Variants in PRODH2 observed in about 807,000 individuals in gnomAD.
PRODH2 encodes the protein hydroxyproline dehydrogenase.
A neutral mutation model predicts 51.9 loss-of-function variants in PRODH2; 49 were observed. The ratio of observed to expected loss-of-function variants is 0.94; its 90% confidence interval spans 0.75 to 1.20. The LOEUF (loss-of-function observed/expected upper bound fraction) is 1.20, where lower values mean the gene tolerates loss of function less well. Among genes scored for constraint, PRODH2 ranks in the 50% most tolerant of loss-of-function variants. The pLI, the probability that PRODH2 is intolerant of heterozygous loss-of-function variation, is 0.00. For synonymous variants in PRODH2, 249 were observed against 260.7 expected (o/e 0.96, Z 0.43); for missense variants, 597 against 610.9 (o/e 0.98, Z 0.24).
At chr19:35,804,374 C>G (rs550944020) in intron 7 of PRODH2, among the ~76,000 whole-genome samples, 2 of 152,206 alleles carry the variant, frequency 1.3e-5, no homozygotes, top group African/African-American at 4.8e-5. Flanking sequence ...TATAAACAGC[C>G]TCTTCACCAC....
chr19:35,807,122 C>T lies in PRODH2; in HGVS notation c.598-1G>A, dbSNP rs549879712. On this transcript the variant is annotated splice_acceptor_variant, in intron 4 of 9. Coordinates refer to ENST00000653904, the MANE Select transcript of PRODH2 (RefSeq NM_021232.2). LOFTEE classifies it high-confidence loss of function. ...CATTGAGGCAGGAGACCTGGAGGTT[C>T]TAGGGGGCAGCAGGGGAAGTGGGGA... is the stretch of plus-strand genomic sequence containing the variant. 2.1e-5 allele frequency: 33 copies of T among 1,550,420 alleles called. 1 individual carries two copies. In the East Asian group the frequency reaches 6.3e-4, roughly 30 times the overall value.
chr19:35,809,908 G>A (rs1229444540), intron 4 of PRODH2, among the ~76,000 whole-genome samples: 2 of 122,096 alleles, frequency 1.6e-5, no homozygotes, highest in Admixed American at 1.1e-4. Context: ...GCAGTGAGCC[G>A]AGATCGCACC....
rs770917781 is a variant in PRODH2 at position 35,800,152 on chromosome 19, G to A, written c.1269C>T (p.Ile423=). The A allele has an allele frequency of 4.4e-6, 7 of 1,604,884 alleles. No individual in the cohort carries two copies. The highest frequency in any genetic ancestry group is 6.0e-6 in the Non-Finnish European group (7 of 1,175,516). Residue 423 remains isoleucine, a synonymous_variant, in exon 10 of 10, where the codon ATC becomes ATT. Transcript: ENST00000653904. Reference sequence around the variant, plus strand: ...CGCTCCGGTTCTCCTGGGCCCTCCGGATCAGGTAGGGGATTACCTCCTCCA... The same window carrying A: ...CGCTCCGGTTCTCCTGGGCCCTCCGAATCAGGTAGGGGATTACCTCCTCCA... ...GSLEEVIPYL[I]RRAQENRSVL...
At chr19:35,807,522 C>T (rs763997017) in intron 4 of PRODH2, among the ~76,000 whole-genome samples, 15 of 151,868 alleles carry the variant, frequency 9.9e-5, no homozygotes, top group African/African-American at 2.7e-4. Context: ...AGGCTGGTCT[C>T]GAACTCCTGA....
intron 4 of PRODH2, among the ~76,000 whole-genome samples, chr19:35,810,389 CAG>C (rs1972590220): frequency 6.6e-6 from 1 of 151,950 alleles, no homozygotes; most frequent in African/African-American, 2.4e-5. Flanking sequence ...GGTGGAGACA[CAG>C]AGGCCACCCA....
rs1250054659 is a variant in PRODH2, at chr19:35,811,997, G to GGCT, written c.559_561dup (p.Ser187dup). 2 of 1,614,058 alleles carry GGCT rather than the reference G, an allele frequency of 1.2e-6. No homozygotes were observed. Among genetic ancestry groups the GGCT allele is most frequent in the Non-Finnish European group, 1.7e-6 (2 of 1,180,032 alleles). On this transcript the variant is annotated inframe_insertion, in exon 4 of 10. Coordinates refer to ENST00000653904, the MANE Select transcript of PRODH2 (RefSeq NM_021232.2). ...TCCATAGCTTCAGCCAGCCTCTCGG[G>GGCT]GCTCAGCTCCAAGGAGGCTCCTGGC...
At chr19:35,802,524 A>C in intron 8 of PRODH2, 1 of 570,078 alleles carries the variant, frequency 1.8e-6, no homozygotes, top group East Asian at 2.9e-5. Flanking sequence ...TCTGGGACCT[A>C]TAAGGACTTA....
rs1204293374 is a variant in PRODH2, at chr19:35,811,999, C to A, written c.560G>T (p.Ser187Ile). The A allele has an allele frequency of 6.2e-7, 1 of 1,614,228 alleles. No homozygotes were observed. Among genetic ancestry groups the A allele is most frequent in the South Asian group, 1.1e-5 (1 of 91,088 alleles). ...VRRPGASLEL[S>I]PERLAEAMDS... ...CATAGCTTCAGCCAGCCTCTCGGGG[C>A]TCAGCTCCAAGGAGGCTCCTGGCCT... The change falls in exon 4 of 10, where the codon AGC becomes ATC. Residue 187 changes from serine (S) to isoleucine (I), a missense_variant. Physicochemically the swap from Ser to Ile is moderately radical, Grantham distance 142. Transcript: ENST00000653904.
intron 7 of PRODH2, among the ~76,000 whole-genome samples, chr19:35,803,869 T>C (rs1568440934): frequency 6.6e-6 from 1 of 152,206 alleles, no homozygotes; most frequent in Non-Finnish European, 1.5e-5. Context: ...AGGAAATAGA[T>C]TGGCAAACAC....
At chr19:35,804,860 T>C (rs1440493295) in intron 7 of PRODH2, among the ~76,000 whole-genome samples, 1 of 152,118 alleles carries the variant, frequency 6.6e-6, no homozygotes, top group African/African-American at 2.4e-5. Context: ...GGCTTGGGCC[T>C]GGGGAGTCAA....
At chr19:35,805,234 G>A (rs1456999270) in intron 7 of PRODH2, among the ~76,000 whole-genome samples, 1 of 152,008 alleles carries the variant, frequency 6.6e-6, no homozygotes, top group Non-Finnish European at 1.5e-5. Flanking sequence ...TATGATACGT[G>A]AATTATATTT....
rs958060642 is a variant in PRODH2, at chr19:35,807,216, A to G, written c.598-95T>C. On this transcript the variant is annotated intron_variant, in intron 4 of 9. Transcript: ENST00000653904. ...TTAGGTACTATTTATTGAGGGGGTT[A>G]TGAGCCTAGAATCAGGGCTCGAATC... is the stretch of plus-strand genomic sequence containing the variant. 283 of 1,179,852 alleles carry G rather than the reference A, an allele frequency of 2.4e-4. 1 individual carries two copies. The highest frequency in any genetic ancestry group is 8.8e-4 in the South Asian group (62 of 70,122). The allele number at this position is 1,179,852 out of a possible 1,614,324, so 73.1% of individuals were successfully genotyped here. A position where few individuals can be genotyped will look rare whatever the true frequency, so the allele number is the denominator to read the frequency against.
chr19:35,802,203 A>G lies in PRODH2; in HGVS notation c.1186T>C (p.Ser396Pro). 6.2e-7 allele frequency: 1 copy of G among 1,614,062 alleles called. No individual in the cohort carries two copies. Among genetic ancestry groups the G allele is most frequent in the Non-Finnish European group, 8.5e-7 (1 of 1,180,004 alleles). The change falls in exon 9 of 10, where the codon TCT becomes CCT. Residue 396 changes from serine to proline, a missense_variant. Ser to Pro is a moderately conservative substitution (Grantham distance 74). Coordinates refer to ENST00000653904, the MANE Select transcript of PRODH2 (RefSeq NM_021232.2). ...GQLLGMCDHV[S>P]LALGQAGYVV... ...GCCATTCACATACCCAGTGCTAGAG[A>G]GACGTGGTCACACATGCCCAGAAGT...
At position 35,803,084 on chromosome 19, in the gene PRODH2, G is replaced by A. The variant is rs1450073956; in HGVS notation, c.1002-6C>T. 6.5e-7 allele frequency: 1 copy of A among 1,528,692 alleles called. No homozygotes were observed. Among genetic ancestry groups the A allele is most frequent in the Non-Finnish European group, 8.9e-7 (1 of 1,127,612 alleles). The allele number at this position is 1,528,692 out of a possible 1,614,324, so 94.7% of individuals were successfully genotyped here. ...GTTCCAGGCAGCGGCTGTAACTGAAGGGAGATGCTCTGTTCAGCTCACCTG... is the reference window on the plus strand; with the variant it reads ...GTTCCAGGCAGCGGCTGTAACTGAAAGGAGATGCTCTGTTCAGCTCACCTG... On this transcript the variant is annotated splice_region_variant and splice_polypyrimidine_tract_variant and intron_variant, in intron 7 of 9. Transcript: ENST00000653904.
At chr19:35,806,282 CTG>C in intron 7 of PRODH2, 146 bp downstream of exon 7, 1 of 983,976 alleles carries the variant, frequency 1.0e-6, no homozygotes, top group Non-Finnish European at 1.5e-6. Context: ...TGGGGTCTCC[CTG>C]TGTTGCCCAG....
intron 2 of PRODH2, 35 bp downstream of exon 2, chr19:35,812,325 C>G (rs2146791179): frequency 6.2e-7 from 1 of 1,610,122 alleles, no homozygotes. Flanking sequence ...TTCCTGCGTC[C>G]TCCCAGCCTC....
At chr19:35,806,373 T>A (rs910284392) in intron 7 of PRODH2, 57 bp downstream of exon 7, 25 of 1,601,568 alleles carry the variant, frequency 1.6e-5, no homozygotes, top group Admixed American at 1.5e-4. Flanking sequence ...TATGAGCCAC[T>A]GCACCCAACC....
At chr19:35,808,875 G>A (rs1972557480) in intron 4 of PRODH2, among the ~76,000 whole-genome samples, 1 of 141,502 alleles carries the variant, frequency 7.1e-6, no homozygotes, top group African/African-American at 2.6e-5. Context: ...AGTGGTGCAA[G>A]TTCAAGTGAT....
intron 4 of PRODH2, among the ~76,000 whole-genome samples, chr19:35,809,958 CAAAAAAAAA>C (rs1175392997): frequency 2.6e-3 from 33 of 12,822 alleles, no homozygotes; most frequent in East Asian, 0.024. Context: ...GATGCCGCTT[CAAAAAAAAA>C]AAAAAAAAAA....
Sources: allele counts gnomAD v4.1 joint callset (sites outside exome capture counted in the v4.1 genomes callset), GRCh38; gene constraint gnomAD v4.1.1; transcripts MANE v1.5; gene names NCBI Gene and HGNC (gene_info 2026-07-23, HGNC 2026-07-21).